Variants in ATP2B1 observed in about 807,000 individuals in gnomAD.
The protein encoded by ATP2B1 is ATPase plasma membrane Ca2+ transporting 1, also known as plasma membrane calcium-transporting ATPase 1.
A neutral mutation model predicts 124.2 loss-of-function variants in ATP2B1; 14 were observed. The observed-to-expected ratio is 0.11, with a 90% CI of 0.07 to 0.18. The LOEUF (loss-of-function observed/expected upper bound fraction) is 0.18, where lower values mean the gene tolerates loss of function less well. Ranked by LOEUF, ATP2B1 falls within the 10% of genes least tolerant of loss-of-function variation. The probability of loss-of-function intolerance (pLI) is 1.00; values close to 1 mark genes in which losing one functional copy is unlikely to be tolerated. For missense variants in ATP2B1, 763 were observed against 1,466.1 expected (o/e 0.52, Z 7.83); for synonymous variants, 449 against 492.4 (o/e 0.91, Z 1.17).
chr12:89,707,417 G>A (rs181637295), intron 1 of ATP2B1, among the ~76,000 whole-genome samples: 162 of 152,206 alleles, frequency 1.1e-3, no homozygotes, highest in African/African-American at 3.9e-3. Flanking sequence ...CATGTTGACA[G>A]GCAGACAAGT....
At chr12:89,636,811 A>T (rs1158403622) in intron 3 of ATP2B1, among the ~76,000 whole-genome samples, 7 of 152,046 alleles carry the variant, frequency 4.6e-5, no homozygotes, top group Admixed American at 4.6e-4. Flanking sequence ...ATCCAACAGA[A>T]CCCCCTCCAA....
chr12:89,611,050 G>T, intron 13 of ATP2B1, 143 bp downstream of exon 13: 1 of 668,932 alleles, frequency 1.5e-6, no homozygotes, highest in Non-Finnish European at 2.3e-6. Context: ...TAGAACACTA[G>T]TATTTTGCTT....
intron 1 of ATP2B1, among the ~76,000 whole-genome samples, chr12:89,690,493 T>A (rs974820959): frequency 3.3e-5 from 5 of 151,818 alleles, no homozygotes; most frequent in African/African-American, 1.2e-4. Context: ...TAATACAGGA[T>A]CCCCTGAATC....
intron 1 of ATP2B1, among the ~76,000 whole-genome samples, chr12:89,666,555 G>A (rs1206851986): frequency 6.6e-6 from 1 of 152,096 alleles, no homozygotes; most frequent in African/African-American, 2.4e-5. Context: ...CCCTAAAAAT[G>A]CTTACTTCTC....
At chr12:89,597,291 T>C (rs1431199098) in intron 20 of ATP2B1, among the ~76,000 whole-genome samples, 2 of 152,132 alleles carry the variant, frequency 1.3e-5, no homozygotes, top group African/African-American at 4.8e-5. Context: ...TTTATTCAGG[T>C]AGGTAATTTT....
chr12:89,607,848 G>A (rs1877223402), intron 15 of ATP2B1, among the ~76,000 whole-genome samples: 2 of 152,084 alleles, frequency 1.3e-5, no homozygotes, highest in Admixed American at 6.5e-5. Context: ...GAATATTTGC[G>A]ATCCACAGTT....
chr12:89,686,673 G>A (rs1890008297), intron 1 of ATP2B1, among the ~76,000 whole-genome samples: 1 of 152,018 alleles, frequency 6.6e-6, no homozygotes, highest in Non-Finnish European at 1.5e-5. Context: ...AGCACTCTCT[G>A]GACAAAGGCC....
chr12:89,667,812 T>C (rs1053705088), intron 1 of ATP2B1, among the ~76,000 whole-genome samples: 1 of 152,216 alleles, frequency 6.6e-6, no homozygotes, highest in Non-Finnish European at 1.5e-5. Context: ...GCCATACTGC[T>C]GAAAGCAATC....
intron 5 of ATP2B1, among the ~76,000 whole-genome samples, chr12:89,631,473 C>A (rs1469938069): frequency 1.3e-5 from 2 of 152,262 alleles, no homozygotes; most frequent in South Asian, 2.1e-4. Context: ...TTCCAGCACG[C>A]CTTTGTAACT....
At chr12:89,694,679 T>G (rs1386881034) in intron 1 of ATP2B1, among the ~76,000 whole-genome samples, 2 of 152,190 alleles carry the variant, frequency 1.3e-5, no homozygotes, top group Admixed American at 6.5e-5. Context: ...CTAGGCTGTG[T>G]GCAGAAGTAC....
chr12:89,619,080 T>C (rs1174208675), intron 11 of ATP2B1, among the ~76,000 whole-genome samples: 1 of 152,144 alleles, frequency 6.6e-6, no homozygotes, highest in Non-Finnish European at 1.5e-5. Context: ...AAATTATATG[T>C]GAACATGTAA....
At chr12:89,693,830 G>T (rs1385297176) in intron 1 of ATP2B1, among the ~76,000 whole-genome samples, 2 of 152,170 alleles carry the variant, frequency 1.3e-5, no homozygotes, top group Non-Finnish European at 2.9e-5. Flanking sequence ...ACTTCTGGCG[G>T]CTTAGAGGGC....
intron 1 of ATP2B1, among the ~76,000 whole-genome samples, chr12:89,668,926 T>C (rs190711107): frequency 2.4e-4 from 36 of 152,204 alleles, no homozygotes; most frequent in African/African-American, 8.0e-4. Flanking sequence ...TCAATTCCCT[T>C]TGCCTTTCTA....
intron 10 of ATP2B1, 95 bp downstream of exon 10, chr12:89,621,454 G>A: frequency 9.7e-7 from 1 of 1,034,478 alleles, no homozygotes; most frequent in Non-Finnish European, 1.3e-6. Context: ...TAACAGTTCA[G>A]TTTACATACA....
intron 5 of ATP2B1, among the ~76,000 whole-genome samples, chr12:89,631,390 G>A (rs779515472): frequency 1.3e-5 from 2 of 152,152 alleles, no homozygotes; most frequent in African/African-American, 2.4e-5. Flanking sequence ...AAGAAACAAC[G>A]TATGTATCAA....
Position 89,694,531 on chromosome 12 carries a change from G to A in ATP2B1, c.-222+14065C>T, listed in dbSNP as rs11105374. Reference sequence around the variant, plus strand: ...GCTCAAAAGAGCTTTCCCTCCACTCGGAAATAAGGCCTTCAACCAATACAG... The same window carrying A: ...GCTCAAAAGAGCTTTCCCTCCACTCAGAAATAAGGCCTTCAACCAATACAG... On this transcript the variant is annotated intron_variant, in intron 1 of 20. Transcript: ENST00000428670. 8.1e-3 allele frequency among the ~76,000 whole-genome samples: 1,235 copies of A among 152,184 alleles called. 15 individuals carry two copies. The highest frequency in any genetic ancestry group is 0.028 in the African/African-American group (1,182 of 41,500).
At chr12:89,596,657 G>C (rs1282170062) in intron 20 of ATP2B1, among the ~76,000 whole-genome samples, 2 of 152,104 alleles carry the variant, frequency 1.3e-5, no homozygotes, top group Non-Finnish European at 2.9e-5. Context: ...TACAGATAAA[G>C]TAGTGTCATA....
In ATP2B1 at chr12:89,639,086, T is replaced by A. The variant is rs371033369; in HGVS notation, c.406+3072A>T. Among the ~76,000 whole-genome samples the A allele has an allele frequency of 1.8e-4, 28 of 152,312 alleles. No individual in the cohort carries two copies. In the East Asian group the frequency reaches 5.2e-3, roughly 28 times the overall value. Reference sequence around the variant, plus strand: ...CACATCAAGTAATATTAGGAAGACATTTTGATCATTTAGATTTCTATGACT... The same window carrying A: ...CACATCAAGTAATATTAGGAAGACAATTTGATCATTTAGATTTCTATGACT... On this transcript the variant is annotated intron_variant, in intron 3 of 20. Coordinates refer to ENST00000428670, the MANE Select transcript of ATP2B1 (RefSeq NM_001366521.1).
chr12:89,611,676 C>T (rs1878044922), intron 12 of ATP2B1: 2 of 231,102 alleles, frequency 8.7e-6, no homozygotes, highest in African/African-American at 2.2e-5. Context: ...AACCATTAGG[C>T]AATTCTTTTC....
Sources: allele counts gnomAD v4.1 joint callset (sites outside exome capture counted in the v4.1 genomes callset), GRCh38; gene constraint gnomAD v4.1.1; transcripts MANE v1.5; gene names NCBI Gene and HGNC (gene_info 2026-07-23, HGNC 2026-07-21).